OVCH1: variants seen among roughly 807,000 people sequenced by gnomAD.
OVCH1 encodes ovochymase-1.
OVCH1 carries 139 observed loss-of-function variants against 138.4 expected under a neutral mutation model. The ratio of observed to expected loss-of-function variants is 1.00; its 90% CI spans 0.87 to 1.16. The LOEUF (loss-of-function observed/expected upper bound fraction) is 1.16, where lower values mean the gene tolerates loss of function less well. Ranked by LOEUF, OVCH1 falls within the 50% of genes most tolerant of loss-of-function variation. The pLI is 0.00. For missense variants in OVCH1, 1,367 were observed against 1,357.9 expected, an observed-to-expected ratio of 1.01 and a Z score of -0.11; for synonymous variants, 453 against 467.8, an observed-to-expected ratio of 0.97 and a Z score of 0.41.
chr12:29,446,690 G>C (rs1941625084), intron 22 of OVCH1, among the ~76,000 whole-genome samples: 1 of 151,998 alleles, frequency 6.6e-6, no homozygotes, highest in African/African-American at 2.4e-5. Context: ...GTGTCTCTCT[G>C]TATAATAATA....
In OVCH1 at chr12:29,455,337, GC is replaced by G. The variant is rs778505935; in HGVS notation, c.2348del (p.Ser783ThrfsTer18). 1 of 1,613,832 alleles carries G rather than the reference GC, an allele frequency of 6.2e-7. No homozygotes were observed. Among genetic ancestry groups the G allele is most frequent in the East Asian group, 2.2e-5 (1 of 44,860 alleles). ...ATGGCTGGACACAGCCAGCTCCCCAGCTGACAATGCCATAGAGGACAAAGGG... is the reference window on the plus strand; with the variant it reads ...ATGGCTGGACACAGCCAGCTCCCCAGTGACAATGCCATAGAGGACAAAGGG... On this transcript the variant is annotated frameshift_variant, in exon 20 of 28. Coordinates refer to ENST00000318184, the Ensembl canonical transcript of OVCH1. LOFTEE classifies it high-confidence loss of function.
chr12:29,454,508 C>T (rs76745027), intron 21 of OVCH1, among the ~76,000 whole-genome samples: 5,711 of 152,198 alleles, frequency 0.038, 327 homozygotes, highest in African/African-American at 0.13. Flanking sequence ...TCATCTCATA[C>T]CCAGGGTCTT....
downstream of OVCH1, among the ~76,000 whole-genome samples, chr12:29,412,148 AGCCC>A (rs1940967464): frequency 6.6e-6 from 1 of 152,126 alleles, no homozygotes. Flanking sequence ...CCGTTTTTTA[AGCCC>A]GTTGGAAAAG....
At chr12:29,496,717 G>T in intron 1 of OVCH1, 43 bp from the exon 2 acceptor site, 2 of 1,420,340 alleles carry the variant, frequency 1.4e-6, no homozygotes, top group South Asian at 1.3e-5. Context: ...AGAGCCTTAT[G>T]TAAGAGTTCA....
At chr12:29,489,705 G>A in exon 6 of OVCH1, 2 of 1,610,358 alleles carry the variant, frequency 1.2e-6, no homozygotes, top group Non-Finnish European at 1.7e-6. Context: ...CTTGAGCACA[G>A]TATTACACGC....
exon 16 of OVCH1, chr12:29,471,853 C>A: frequency 6.2e-7 from 1 of 1,613,040 alleles, no homozygotes; most frequent in Non-Finnish European, 8.5e-7. Context: ...GATGATGGCA[C>A]CTCCACATTG....
Position 29,466,326 on chromosome 12 carries a change from T to C in OVCH1, c.1857-1107A>G, listed in dbSNP as rs1280915673. On this transcript the variant is annotated intron_variant, in intron 16 of 27. Transcript: ENST00000318184. ...TGTATTTATCTCAGTACTGTATTTA[T>C]CAATATCTTAAATTTGTTTAATAAA... Among the ~76,000 whole-genome samples, 5 of 141,462 alleles carry C rather than the reference T, an allele frequency of 3.5e-5. No homozygotes were observed. In the East Asian group the frequency reaches 9.8e-4, roughly 28 times the overall value. 92.8% of individuals were successfully genotyped at this position (141,462 alleles called of 152,430 possible). A position where few individuals can be genotyped will look rare whatever the true frequency, so the allele number is the denominator to read the frequency against.
At chr12:29,405,973 A>G in the OVCH1 span, among the ~76,000 whole-genome samples, 1 of 152,220 alleles carries the variant, frequency 6.6e-6, no homozygotes, top group African/African-American at 2.4e-5. Context: ...TCATGGGTTG[A>G]CCTTCACATG....
At chr12:29,432,060 G>A (rs1941279690) in intron 27 of OVCH1, among the ~76,000 whole-genome samples, 1 of 152,178 alleles carries the variant, frequency 6.6e-6, no homozygotes, top group Non-Finnish European at 1.5e-5. Context: ...GGATATAGCA[G>A]AGGGCATGCT....
At chr12:29,462,961 C>G (rs1338192118) in intron 18 of OVCH1, among the ~76,000 whole-genome samples, 1 of 152,174 alleles carries the variant, frequency 6.6e-6, no homozygotes, top group Non-Finnish European at 1.5e-5. Context: ...CCTCTCCTAG[C>G]TGGAAAGAAT....
downstream of OVCH1, among the ~76,000 whole-genome samples, chr12:29,425,049 G>A (rs1342422845): frequency 6.6e-6 from 1 of 152,156 alleles, no homozygotes; most frequent in East Asian, 1.9e-4. Flanking sequence ...GGAATGGGAT[G>A]AACTTAATGA....
chr12:29,419,715 T>C (rs984865041), intron 3 of OVCH1, among the ~76,000 whole-genome samples: 2 of 152,228 alleles, frequency 1.3e-5, no homozygotes, highest in Non-Finnish European at 2.9e-5. Flanking sequence ...CTGAAAGTTA[T>C]ATTTACTCCC....
intron 19 of OVCH1, among the ~76,000 whole-genome samples, chr12:29,460,962 C>A (rs1276423580): frequency 6.6e-6 from 1 of 152,050 alleles, no homozygotes; most frequent in East Asian, 1.9e-4. Flanking sequence ...TTAAAGGGGA[C>A]TTCATTGCCT....
intron 4 of OVCH1, among the ~76,000 whole-genome samples, chr12:29,493,026 C>T (rs887712767): frequency 6.6e-6 from 1 of 152,030 alleles, no homozygotes; most frequent in African/African-American, 2.4e-5. Flanking sequence ...GTGACAAGAC[C>T]AAATTTATGG....
intron 18 of OVCH1, among the ~76,000 whole-genome samples, chr12:29,463,877 A>G (rs546816793): frequency 6.6e-6 from 1 of 152,214 alleles, no homozygotes; most frequent in Non-Finnish European, 1.5e-5. Context: ...ATATACAAAG[A>G]AAATGATCTT....
At chr12:29,406,062 C>T in the OVCH1 span, among the ~76,000 whole-genome samples, 2 of 152,268 alleles carry the variant, frequency 1.3e-5, no homozygotes, top group Admixed American at 1.3e-4. Flanking sequence ...TGCCTCACAT[C>T]ATTAGAAATT....
chr12:29,453,895 T>TA (rs767802965), intron 21 of OVCH1, among the ~76,000 whole-genome samples: 1 of 152,176 alleles, frequency 6.6e-6, no homozygotes. Flanking sequence ...GCCTTTATGC[T>TA]ACCCAGCAAT....
downstream of OVCH1, among the ~76,000 whole-genome samples, chr12:29,410,893 T>C (rs893513465): frequency 3.0e-5 from 1 of 33,096 alleles, no homozygotes; most frequent in East Asian, 9.3e-4. Flanking sequence ...CTGGATAATA[T>C]CCTGCAGAGT....
At chr12:29,495,765 T>C (rs1024143352) in intron 3 of OVCH1, among the ~76,000 whole-genome samples, 4 of 152,230 alleles carry the variant, frequency 2.6e-5, no homozygotes, top group Non-Finnish European at 4.4e-5. Flanking sequence ...AGTTTTTTTC[T>C]AGAACTGTTC....
Sources: allele counts gnomAD v4.1 joint callset (sites outside exome capture counted in the v4.1 genomes callset), GRCh38; gene constraint gnomAD v4.1.1; transcripts MANE v1.5; gene names NCBI Gene and HGNC (gene_info 2026-07-23, HGNC 2026-07-21).